CTIF: variants seen among roughly 807,000 people sequenced by gnomAD.
The protein encoded by CTIF is CBP80/20-dependent translation initiation factor.
A neutral mutation model predicts 66.0 loss-of-function variants in CTIF; 21 were observed. That is an observed-to-expected ratio of 0.32 (90% confidence interval 0.23 to 0.46). The LOEUF is 0.46. CTIF is among the 20% of genes least tolerant of loss of function. The pLI is 1.00. For synonymous variants in CTIF, 345 were observed against 326.4 expected, an observed-to-expected ratio of 1.06 and a Z score of -0.62; for missense variants, 739 against 812.7, an observed-to-expected ratio of 0.91 and a Z score of 1.10.
intron 7 of CTIF, among the ~76,000 whole-genome samples, chr18:48,751,490 C>T (rs1435379080): frequency 1.3e-5 from 2 of 152,196 alleles, no homozygotes; most frequent in Admixed American, 6.5e-5. Context: ...CTGGAGTCAT[C>T]GCTACCTCCC....
chr18:48,564,810 G>T (rs1327248695), intron 1 of CTIF: 1 of 151,046 alleles, frequency 6.6e-6, no homozygotes, highest in Non-Finnish European at 1.5e-5. Flanking sequence ...AGAGATGGGG[G>T]GTCTCACCTT....
chr18:48,785,597 A>G (rs1338283273), intron 9 of CTIF, among the ~76,000 whole-genome samples: 1 of 151,934 alleles, frequency 6.6e-6, no homozygotes, highest in East Asian at 1.9e-4. Flanking sequence ...TTCAAAAGTG[A>G]GACTCCCCAG....
At chr18:48,751,564 G>A (rs1219376531) in intron 7 of CTIF, among the ~76,000 whole-genome samples, 1 of 152,208 alleles carries the variant, frequency 6.6e-6, no homozygotes, top group Non-Finnish European at 1.5e-5. Context: ...TGGATGCTTT[G>A]GGAGCAGTTC....
intron 6 of CTIF, among the ~76,000 whole-genome samples, chr18:48,697,936 T>C (rs1432438245): frequency 6.6e-6 from 1 of 151,038 alleles, no homozygotes; most frequent in Non-Finnish European, 1.5e-5. Context: ...AGCCCTGCAG[T>C]CCTGCAGTCC....
At chr18:48,846,651 ATGGG>A (rs1230314522) in intron 10 of CTIF, among the ~76,000 whole-genome samples, 2 of 149,702 alleles carry the variant, frequency 1.3e-5, no homozygotes, top group Non-Finnish European at 3.0e-5. Flanking sequence ...GAAAGAATGG[ATGGG>A]TGGGTGGATG....
Position 48,745,391 on chromosome 18 carries a change from A to C in CTIF, c.585-12528A>C, listed in dbSNP as rs188735941. ...CAAGTTTCTCCACTGTAAAGTTACA[A>C]GTTTTCCCTTTGTAATTAAGAAATA... On this transcript the variant is annotated intron_variant, in intron 7 of 11. Coordinates refer to ENST00000256413, the MANE Select transcript of CTIF (RefSeq NM_014772.3). Among the ~76,000 whole-genome samples, 24 of 152,356 alleles carry C rather than the reference A, an allele frequency of 1.6e-4. 1 individual carries two copies. The East Asian group carries it at 4.0e-3, about 26-fold the overall frequency.
chr18:48,714,120 T>A (rs1226105009), intron 7 of CTIF, among the ~76,000 whole-genome samples: 1 of 152,198 alleles, frequency 6.6e-6, no homozygotes, highest in African/African-American at 2.4e-5. Flanking sequence ...AAAGAGCCGC[T>A]GCAGAATATT....
At chr18:48,546,181 TAA>T (rs891339729) in intron 1 of CTIF, among the ~76,000 whole-genome samples, 3 of 152,120 alleles carry the variant, frequency 2.0e-5, no homozygotes, top group African/African-American at 7.2e-5. Context: ...GAATGCAACT[TAA>T]ATAGAGTGTT....
chr18:48,782,273 AG>A (rs200693703), intron 9 of CTIF, among the ~76,000 whole-genome samples: 10,387 of 152,068 alleles, frequency 0.068, 458 homozygotes, highest in Non-Finnish European at 0.099. Context: ...CCAGGGAGAC[AG>A]GGGAAGCCAT....
At chr18:48,622,694 T>C (rs1568081165) in intron 2 of CTIF, among the ~76,000 whole-genome samples, 1 of 152,138 alleles carries the variant, frequency 6.6e-6, no homozygotes, top group Admixed American at 6.6e-5. Context: ...TTAGGATAGA[T>C]TGGAAAATTG....
intron 3 of CTIF, among the ~76,000 whole-genome samples, chr18:48,657,711 G>A (rs1291009916): frequency 6.6e-6 from 1 of 152,172 alleles, no homozygotes; most frequent in Non-Finnish European, 1.5e-5. Flanking sequence ...TCCTCAACTA[G>A]ATCCTAGCAG....
chr18:48,548,675 T>C (rs1358392300), intron 1 of CTIF, among the ~76,000 whole-genome samples: 2 of 152,372 alleles, frequency 1.3e-5, no homozygotes, highest in East Asian at 3.9e-4. Flanking sequence ...GGTCAGGGAT[T>C]CCGAGAAAGC....
At chr18:48,858,287 G>A (rs540178495) in intron 11 of CTIF, among the ~76,000 whole-genome samples, 3 of 152,382 alleles carry the variant, frequency 2.0e-5, no homozygotes, top group East Asian at 1.9e-4. Flanking sequence ...AGGCCTCACT[G>A]AGGAGCTCAG....
chr18:48,817,542 A>G (rs62103298), intron 10 of CTIF, among the ~76,000 whole-genome samples, 166 bp downstream of exon 10: 57,351 of 151,976 alleles, frequency 0.38, 11,991 homozygotes, highest in African/African-American at 0.55. Flanking sequence ...TTGGGAGGCC[A>G]AGGCAGGTGG....
intron 10 of CTIF, among the ~76,000 whole-genome samples, chr18:48,833,472 G>GC (rs1568254515): frequency 2.0e-5 from 3 of 152,062 alleles, no homozygotes; most frequent in South Asian, 4.2e-4. Flanking sequence ...CTCTCTAAAT[G>GC]CCCCCCTGCC....
intron 6 of CTIF, among the ~76,000 whole-genome samples, chr18:48,688,879 G>C (rs1009841032): frequency 2.0e-5 from 3 of 152,202 alleles, no homozygotes; most frequent in Non-Finnish European, 4.4e-5. Flanking sequence ...GGAAAGAGGG[G>C]GAGAAAAAGA....
chr18:48,717,407 AAATAAAT>A (rs2145537587), intron 7 of CTIF, among the ~76,000 whole-genome samples: 1 of 111,370 alleles, frequency 9.0e-6, no homozygotes, highest in African/African-American at 4.2e-5. Flanking sequence ...TTTAAAAAAT[AAATAAAT>A]AAATAAATAA....
chr18:48,614,964 G>C (rs566232864), intron 1 of CTIF, among the ~76,000 whole-genome samples: 211 of 152,202 alleles, frequency 1.4e-3, no homozygotes, highest in Non-Finnish European at 2.5e-3. Flanking sequence ...GCAGCAACAC[G>C]ATCATAGCTC....
chr18:48,835,541 G>A (rs1445076725), intron 10 of CTIF, among the ~76,000 whole-genome samples: 2 of 152,056 alleles, frequency 1.3e-5, no homozygotes, highest in Non-Finnish European at 2.9e-5. Flanking sequence ...ATTTTTCATC[G>A]AGATCCTCAA....
Sources: allele counts gnomAD v4.1 joint callset (sites outside exome capture counted in the v4.1 genomes callset), GRCh38; gene constraint gnomAD v4.1.1; transcripts MANE v1.5; gene names NCBI Gene and HGNC (gene_info 2026-07-23, HGNC 2026-07-21).